MBD5: variants seen among roughly 807,000 people sequenced by gnomAD.
MBD5 encodes the protein methyl-CpG binding domain protein 5, also known as methyl-CpG-binding domain protein 5.
A neutral mutation model predicts 117.3 loss-of-function variants in MBD5; 13 were observed. That is an observed-to-expected ratio of 0.11 (90% CI 0.07 to 0.18). The LOEUF (loss-of-function observed/expected upper bound fraction) is 0.18. Ranked by LOEUF, MBD5 falls within the 10% of genes least tolerant of loss-of-function variation. MBD5 has a pLI of 1.00. For synonymous variants in MBD5, 727 were observed against 766.4 expected (o/e 0.95, Z 0.85); for missense variants, 1,879 against 2,093.8 (o/e 0.90, Z 2.00).
chr2:148,044,222 CT>C (rs1445555556), intron 1 of MBD5, among the ~76,000 whole-genome samples: 1 of 152,118 alleles, frequency 6.6e-6, no homozygotes, highest in East Asian at 1.9e-4. Flanking sequence ...TTGTTATAGT[CT>C]TAATTTATTT....
At chr2:148,384,172 TC>T (rs1342295045) in intron 4 of MBD5, among the ~76,000 whole-genome samples, 2 of 152,112 alleles carry the variant, frequency 1.3e-5, no homozygotes, top group African/African-American at 4.8e-5. Context: ...AGTCAAATTG[TC>T]CCTGTTTGCA....
chr2:148,142,447 T>C (rs149193841), intron 1 of MBD5, among the ~76,000 whole-genome samples: 1 of 152,278 alleles, frequency 6.6e-6, no homozygotes, highest in Non-Finnish European at 1.5e-5. Flanking sequence ...TTCAAAATTG[T>C]AAGGGAAACA....
At chr2:148,050,354 C>G (rs1694661626) in intron 1 of MBD5, among the ~76,000 whole-genome samples, 1 of 152,062 alleles carries the variant, frequency 6.6e-6, no homozygotes, top group South Asian at 2.1e-4. Context: ...TATTCAAATC[C>G]TTTTCCATTT....
At chr2:148,164,158 T>C (rs1698073823) in intron 1 of MBD5, among the ~76,000 whole-genome samples, 1 of 152,214 alleles carries the variant, frequency 6.6e-6, no homozygotes, top group Non-Finnish European at 1.5e-5. Context: ...GTTGGAACTT[T>C]AGAAGGGTCC....
chr2:148,050,306 C>T (rs1446170408), intron 1 of MBD5, among the ~76,000 whole-genome samples: 4 of 152,086 alleles, frequency 2.6e-5, no homozygotes, highest in Non-Finnish European at 5.9e-5. Flanking sequence ...TTTTCATGTG[C>T]TTATTAGCCA....
intron 3 of MBD5, among the ~76,000 whole-genome samples, chr2:148,250,720 G>C (rs1188083581): frequency 2.0e-5 from 3 of 152,150 alleles, no homozygotes; most frequent in Non-Finnish European, 4.4e-5. Context: ...CATTCAGAGA[G>C]CTAGCTTGTT....
intron 3 of MBD5, among the ~76,000 whole-genome samples, chr2:148,246,121 G>A (rs1236199251): frequency 6.6e-6 from 1 of 152,102 alleles, no homozygotes; most frequent in East Asian, 1.9e-4. Context: ...ATAGATTATA[G>A]TTAGGCCTCA....
intron 4 of MBD5, among the ~76,000 whole-genome samples, chr2:148,445,471 A>C (rs970180808): frequency 1.3e-5 from 2 of 151,152 alleles, no homozygotes; most frequent in Admixed American, 6.6e-5. Flanking sequence ...TGAACTCATC[A>C]ATTTTTATGG....
Position 148,382,869 on chromosome 2 carries a change from G to A in MBD5, c.-557+40533G>A, listed in dbSNP as rs543262910. 9.0e-3 allele frequency among the ~76,000 whole-genome samples: 1,363 copies of A among 151,718 alleles called. 22 individuals are homozygous for A. Among genetic ancestry groups the A allele is most frequent in the African/African-American group, 0.031 (1,297 of 41,288 alleles). ...CCTGAATGACTACTGGGTACATAAC[G>A]AAATGAAGGCAGAAATAAAGATGTT... On this transcript the variant is annotated intron_variant, in intron 4 of 13. Coordinates refer to ENST00000642680, the MANE Select transcript of MBD5 (RefSeq NM_001378120.1).
At chr2:148,471,597 A>ACCC (rs1680798935) in intron 8 of MBD5, 4 of 152,092 alleles carry the variant, frequency 2.6e-5, no homozygotes, top group African/African-American at 9.6e-5. Context: ...GCTGATAGTA[A>ACCC]AAGCGTTTTC....
intron 4 of MBD5, among the ~76,000 whole-genome samples, chr2:148,364,171 A>G (rs964491051): frequency 6.6e-6 from 1 of 152,166 alleles, no homozygotes; most frequent in African/African-American, 2.4e-5. Flanking sequence ...CAAGCCAGAA[A>G]AGAGTGGGGG....
intron 4 of MBD5, among the ~76,000 whole-genome samples, chr2:148,379,579 A>G (rs1704077307): frequency 6.6e-6 from 1 of 152,174 alleles, no homozygotes; most frequent in Non-Finnish European, 1.5e-5. Context: ...CAGAAGGAGC[A>G]CTGAGTGAAA....
chr2:148,096,737 T>C (rs916247696), intron 1 of MBD5, among the ~76,000 whole-genome samples: 1 of 152,218 alleles, frequency 6.6e-6, no homozygotes, highest in Non-Finnish European at 1.5e-5. Flanking sequence ...TTATATTTTG[T>C]TCAACAATGT....
chr2:148,311,146 T>C (rs1228059629), intron 3 of MBD5, among the ~76,000 whole-genome samples: 1 of 152,232 alleles, frequency 6.6e-6, no homozygotes, highest in East Asian at 1.9e-4. Context: ...GAGAGTTCTG[T>C]ACATGTCTAT....
chr2:148,271,404 G>T (rs1574222317), intron 3 of MBD5, among the ~76,000 whole-genome samples: 1 of 152,192 alleles, frequency 6.6e-6, no homozygotes, highest in African/African-American at 2.4e-5. Context: ...TTGAATGTTT[G>T]ATTTATAAAT....
intron 3 of MBD5, among the ~76,000 whole-genome samples, chr2:148,240,448 C>A (rs1490270440): frequency 1.3e-5 from 2 of 151,778 alleles, no homozygotes; most frequent in Non-Finnish European, 2.9e-5. Context: ...TGGGGTCTTG[C>A]CATGTTGCCC....
intron 2 of MBD5, among the ~76,000 whole-genome samples, chr2:148,183,758 T>G (rs1040589362): frequency 6.6e-6 from 1 of 152,280 alleles, no homozygotes; most frequent in Admixed American, 6.5e-5. Context: ...TCTTCCATAT[T>G]TGTTTCTATT....
At chr2:148,148,657 C>G (rs1363619969) in intron 1 of MBD5, among the ~76,000 whole-genome samples, 1 of 151,912 alleles carries the variant, frequency 6.6e-6, no homozygotes, top group Non-Finnish European at 1.5e-5. Context: ...CTTCCTTTGC[C>G]TACTCCTTAA....
intron 1 of MBD5, among the ~76,000 whole-genome samples, chr2:148,154,297 C>A (rs34382486): frequency 1.3e-5 from 2 of 152,094 alleles, no homozygotes; most frequent in Non-Finnish European, 2.9e-5. Context: ...GTTCTCAGAT[C>A]TCCAGCTGTG....
Sources: allele counts gnomAD v4.1 joint callset (sites outside exome capture counted in the v4.1 genomes callset), GRCh38; gene constraint gnomAD v4.1.1; transcripts MANE v1.5; gene names NCBI Gene and HGNC (gene_info 2026-07-23, HGNC 2026-07-21).